Variants in ALK observed in about 807,000 individuals in gnomAD.
ALK encodes the protein ALK tyrosine kinase receptor.
Under a neutral mutation model 163.1 loss-of-function variants are expected in ALK, and 74 were observed. The observed-to-expected ratio is 0.45, with a 90% CI of 0.38 to 0.55. The LOEUF is 0.55. Ranked by LOEUF, ALK falls within the 20% of genes least tolerant of loss-of-function variation. ALK has a pLI of 0.00. For missense variants in ALK, 2,063 were observed against 2,105.3 expected, an observed-to-expected ratio of 0.98 and a Z score of 0.39; for synonymous variants, 960 against 843.2, an observed-to-expected ratio of 1.14 and a Z score of -2.40.
intron 3 of ALK, among the ~76,000 whole-genome samples, chr2:29,599,279 A>G (rs1420002452): frequency 6.6e-6 from 1 of 152,208 alleles, no homozygotes; most frequent in Non-Finnish European, 1.5e-5. Flanking sequence ...AGTATAAGGC[A>G]CAATCCCAGA....
intron 26 of ALK, among the ~76,000 whole-genome samples, chr2:29,202,989 TTC>T (rs780120020): frequency 1.3e-5 from 2 of 152,230 alleles, no homozygotes; most frequent in Non-Finnish European, 2.9e-5. Flanking sequence ...GCTTAAGTTA[TTC>T]TCTGTCTCTG....
intron 4 of ALK, among the ~76,000 whole-genome samples, chr2:29,522,887 A>G (rs1672852678): frequency 6.6e-6 from 1 of 152,108 alleles, no homozygotes; most frequent in Admixed American, 6.5e-5. Context: ...AGAAGATACT[A>G]CCAGAGAGAA....
At chr2:29,859,464 G>A (rs887253978) in intron 1 of ALK, among the ~76,000 whole-genome samples, 2 of 152,142 alleles carry the variant, frequency 1.3e-5, no homozygotes, top group African/African-American at 4.8e-5. Context: ...AAACTACTTA[G>A]ACTTCACCCA....
At chr2:29,753,570 A>G (rs1006118864) in intron 1 of ALK, among the ~76,000 whole-genome samples, 1 of 152,200 alleles carries the variant, frequency 6.6e-6, no homozygotes, top group African/African-American at 2.4e-5. Context: ...CTTATTTTAG[A>G]AACAATAAAA....
intron 3 of ALK, among the ~76,000 whole-genome samples, chr2:29,656,781 C>T (rs534741985): frequency 8.4e-4 from 128 of 152,262 alleles, no homozygotes; most frequent in African/African-American, 3.0e-3. Context: ...CTTATGTACT[C>T]CACAGAGAGG....
chr2:29,383,785 C>A lies in ALK; in HGVS notation c.1229G>T (p.Gly410Val), dbSNP rs760717114. ...FRVALEYISS[G>V]NRSLSAVDFF... ...GTCCACTGCAGACAAGCTGCGGTTT[C>A]CACTGGAGATGTATTCCAGGGCCAC... is the stretch of plus-strand genomic sequence containing the variant. The change falls in exon 5 of 29, where the codon GGA becomes GTA. Residue 410 changes from glycine (G) to valine (V), a missense_variant. This residue lies in a region of ALK where 987 missense variants were observed against 939.5 expected (regional missense o/e 1.05). Coordinates refer to ENST00000389048, the MANE Select transcript of ALK (RefSeq NM_004304.5). 1.2e-6 allele frequency: 2 copies of A among 1,614,168 alleles called. No homozygotes were observed. The highest frequency in any genetic ancestry group is 2.2e-5 in the East Asian group (1 of 44,874).
At chr2:29,282,321 T>C (rs369890253) in intron 9 of ALK, among the ~76,000 whole-genome samples, 6 of 152,290 alleles carry the variant, frequency 3.9e-5, no homozygotes, top group African/African-American at 1.4e-4. Flanking sequence ...ATTAGAATAA[T>C]ATATGTGAAG....
chr2:29,211,362 A>G (rs1281856752), intron 24 of ALK, among the ~76,000 whole-genome samples: 1 of 149,846 alleles, frequency 6.7e-6, no homozygotes, highest in African/African-American at 2.5e-5. Context: ...TAGACCAGGA[A>G]CAATATTTAT....
At chr2:29,330,267 AG>A (rs536694755) in intron 5 of ALK, among the ~76,000 whole-genome samples, 135 of 152,230 alleles carry the variant, frequency 8.9e-4, no homozygotes, top group African/African-American at 3.0e-3. Flanking sequence ...AGGCTCCCAG[AG>A]GGCGATGAAC....
chr2:29,235,856 CTTTTTTT>C lies in ALK; in HGVS notation c.2356-2167_2356-2161del, dbSNP rs569363324. 4.7e-3 allele frequency among the ~76,000 whole-genome samples: 181 copies of C among 38,266 alleles called. 1 individual carries two copies. Among genetic ancestry groups the C allele is most frequent in the African/African-American group, 0.015 (171 of 11,708 alleles). The allele number at this position is 38,266 out of a possible 152,430, so 25.1% of individuals were successfully genotyped here. Reference sequence around the variant, plus strand: ...TACAGGCACAAGCTACCAGGCTCGACTTTTTTTTTTTTTTTTTTTTTTTTTTTTTTTT... The same window carrying C: ...TACAGGCACAAGCTACCAGGCTCGACTTTTTTTTTTTTTTTTTTTTTTTTT... On this transcript the variant is annotated intron_variant, in intron 13 of 28. Transcript: ENST00000389048.
At chr2:29,696,211 C>A (rs869174209) in intron 2 of ALK, among the ~76,000 whole-genome samples, 1 of 152,092 alleles carries the variant, frequency 6.6e-6, no homozygotes, top group Non-Finnish European at 1.5e-5. Flanking sequence ...GCCTTAAAAA[C>A]GGATGAGTTC....
chr2:29,510,061 G>A (rs1199712549), intron 4 of ALK, among the ~76,000 whole-genome samples: 1 of 152,178 alleles, frequency 6.6e-6, no homozygotes, highest in Non-Finnish European at 1.5e-5. Context: ...GGTGGCCAGT[G>A]GAGGTGGCCA....
chr2:29,595,941 C>A (rs1014553266), intron 3 of ALK, among the ~76,000 whole-genome samples: 1 of 152,166 alleles, frequency 6.6e-6, no homozygotes, highest in African/African-American at 2.4e-5. Flanking sequence ...AGGTGTCGTG[C>A]TCCAGTAGCG....
rs1287323402 is a variant in ALK at position 29,802,573 on chromosome 2, GGAGGGGAGGGGAAGA to G, written c.668-84891_668-84877del. 2.7e-4 allele frequency among the ~76,000 whole-genome samples: 14 copies of G among 51,234 alleles called. 1 individual carries two copies. The highest frequency in any genetic ancestry group is 7.4e-4 in the African/African-American group (14 of 18,864). 33.6% of individuals were successfully genotyped at this position (51,234 alleles called of 152,430 possible). On this transcript the variant is annotated intron_variant, in intron 1 of 28. Transcript: ENST00000389048. ...GGAGGGGAGGAGAGGGGAGGGGAGG[GGAGGGGAGGGGAAGA>G]GAGGGGAGGGGAGAAAACCCTCCAG...
At chr2:29,771,566 A>G (rs2631981) in intron 1 of ALK, among the ~76,000 whole-genome samples, 91,734 of 151,316 alleles carry the variant, frequency 0.61, 31,761 homozygotes, top group Non-Finnish European at 0.79. Context: ...GCTGAGTCTC[A>G]CTCTGTCGCC....
chr2:29,234,676 T>C (rs1321086692), intron 13 of ALK, among the ~76,000 whole-genome samples: 1 of 152,148 alleles, frequency 6.6e-6, no homozygotes, highest in African/African-American at 2.4e-5. Flanking sequence ...CAGGTCGTTG[T>C]GGCATTTACT....
At chr2:29,287,261 C>T (rs1446786565) in intron 9 of ALK, among the ~76,000 whole-genome samples, 3 of 152,066 alleles carry the variant, frequency 2.0e-5, no homozygotes, top group Non-Finnish European at 4.4e-5. Context: ...CATTGTAAAC[C>T]ACTAATATTT....
At chr2:29,756,899 A>ACT (rs1680550693) in intron 1 of ALK, among the ~76,000 whole-genome samples, 1 of 152,108 alleles carries the variant, frequency 6.6e-6, no homozygotes, top group Admixed American at 6.6e-5. Context: ...GATCACTAAG[A>ACT]CTCTCACTCC....
At chr2:29,512,741 A>G (rs1672557363) in intron 4 of ALK, among the ~76,000 whole-genome samples, 2 of 149,254 alleles carry the variant, frequency 1.3e-5, no homozygotes, top group Non-Finnish European at 1.5e-5. Flanking sequence ...TTGTATATCT[A>G]GAAAACCCCA....
Sources: allele counts gnomAD v4.1 joint callset (sites outside exome capture counted in the v4.1 genomes callset), GRCh38; gene constraint gnomAD v4.1.1; regional missense constraint gnomAD v4.1.1; transcripts MANE v1.5; gene names NCBI Gene and HGNC (gene_info 2026-07-23, HGNC 2026-07-21).